DENND1A: variants seen among roughly 807,000 people sequenced by gnomAD.
DENND1A encodes the protein DENN domain-containing protein 1A.
Under a neutral mutation model 113.7 loss-of-function variants are expected in DENND1A, and 51 were observed. That is an observed-to-expected ratio of 0.45 (90% CI 0.36 to 0.57). The LOEUF (loss-of-function observed/expected upper bound fraction) is 0.57. Ranked by LOEUF, DENND1A falls within the 20% of genes least tolerant of loss-of-function variation. DENND1A has a pLI of 0.00. For missense variants in DENND1A, 1,258 were observed against 1,395.9 expected (o/e 0.90, Z 1.57); for synonymous variants, 565 against 570.8 (o/e 0.99, Z 0.14).
At chr9:123,520,147 C>CCA (rs1554853704) in intron 13 of DENND1A, among the ~76,000 whole-genome samples, 12,367 of 37,294 alleles carry the variant, frequency 0.33, 2,050 homozygotes, top group South Asian at 0.36. Context: ...GATCCTGTCT[C>CCA]AAAAAAAAAA....
chr9:123,767,381 C>G (rs1029521522), intron 4 of DENND1A, among the ~76,000 whole-genome samples: 3 of 150,830 alleles, frequency 2.0e-5, no homozygotes, highest in African/African-American at 7.3e-5. Flanking sequence ...CAAAAAGAAA[C>G]ATTTCTGTCC....
At chr9:123,607,508 CACACACACACACAGAG>C (rs1357187651) in intron 11 of DENND1A, among the ~76,000 whole-genome samples, 1 of 88,444 alleles carries the variant, frequency 1.1e-5, no homozygotes, top group African/African-American at 4.9e-5. Flanking sequence ...CACACACACA[CACACACACACACAGAG>C]AGAGAGAGAG....
At position 123,630,387 on chromosome 9, in the gene DENND1A, C is replaced by T; in HGVS notation, c.708G>A (p.Leu236=). The stretch of plus-strand genomic sequence containing the variant: ...GCCAGCCACCTTACCAGCAGTAGTC[C>T]AGCAGATGCGGCGGCAGCACGGGGA... ...VYIPVLPPHL[L]DYCCAPMPYL... The change falls in exon 10 of 24, where the codon CTG becomes CTA. Residue 236 remains leucine, a synonymous_variant. Coordinates refer to ENST00000394215, the MANE Select transcript of DENND1A (RefSeq NM_001352964.2). 1.9e-6 allele frequency: 3 copies of T among 1,596,350 alleles called. No individual in the cohort carries two copies. Among genetic ancestry groups the T allele is most frequent in the Non-Finnish European group, 2.6e-6 (3 of 1,169,078 alleles).
intron 19 of DENND1A, among the ~76,000 whole-genome samples, chr9:123,414,904 A>G (rs2044601200): frequency 6.6e-6 from 1 of 152,192 alleles, no homozygotes; most frequent in African/African-American, 2.4e-5. Flanking sequence ...AGAGTACTTG[A>G]TACCTAATAG....
chr9:123,380,613 C>T lies in DENND1A; in HGVS notation c.*819G>A, dbSNP rs2042226468. 6.6e-6 allele frequency: 1 copy of T among 152,426 alleles called. No individual in the cohort carries two copies. The highest frequency in any genetic ancestry group is 1.5e-5 in the Non-Finnish European group (1 of 68,050). The allele number at this position is 152,426 out of a possible 1,614,324, so 9.4% of individuals were successfully genotyped here. A position where few individuals can be genotyped will look rare whatever the true frequency, so the allele number is the denominator to read the frequency against. The stretch of plus-strand genomic sequence containing the variant: ...AGCTCCAGATGACAAGAGGCTGAGC[C>T]CCAGCTTTGACAGTGAGGGGAGTAC... On this transcript the variant is annotated 3_prime_UTR_variant, in exon 24 of 24. Coordinates refer to ENST00000394215, the MANE Select transcript of DENND1A (RefSeq NM_001352964.2).
chr9:123,625,081 CCT>C (rs2061138627), intron 10 of DENND1A, among the ~76,000 whole-genome samples: 1 of 152,154 alleles, frequency 6.6e-6, no homozygotes, highest in Admixed American at 6.5e-5. Context: ...CAGATTTCTG[CCT>C]CTCTATATGT....
At chr9:123,410,056 C>T (rs946799435) in intron 20 of DENND1A, among the ~76,000 whole-genome samples, 1 of 152,196 alleles carries the variant, frequency 6.6e-6, no homozygotes, top group Non-Finnish European at 1.5e-5. Context: ...TGCACCACTG[C>T]ACTCCAGCCT....
intron 1 of DENND1A, among the ~76,000 whole-genome samples, chr9:123,909,460 T>C (rs911342184): frequency 6.6e-6 from 1 of 151,540 alleles, no homozygotes; most frequent in Non-Finnish European, 1.5e-5. Context: ...TCTCAAGAGA[T>C]GCAGAAAAGG....
chr9:123,583,349 G>T, intron 11 of DENND1A, 79 bp from the exon 12 acceptor site: 1 of 1,022,352 alleles, frequency 9.8e-7, no homozygotes, highest in Non-Finnish European at 1.5e-6. Context: ...CTCTGGGGAA[G>T]AGGCATAGAG....
chr9:123,539,135 T>C (rs1341975399), intron 13 of DENND1A, among the ~76,000 whole-genome samples: 3 of 152,044 alleles, frequency 2.0e-5, no homozygotes, highest in African/African-American at 4.8e-5. Flanking sequence ...ATTAAACACA[T>C]TGGCTACTAA....
intron 13 of DENND1A, among the ~76,000 whole-genome samples, chr9:123,539,050 C>T (rs971610396): frequency 4.6e-5 from 7 of 151,682 alleles, no homozygotes; most frequent in African/African-American, 1.7e-4. Context: ...AATATTCCAA[C>T]CAATAAATGA....
chr9:123,756,885 G>A (rs541928332), intron 5 of DENND1A, among the ~76,000 whole-genome samples: 22 of 152,264 alleles, frequency 1.4e-4, no homozygotes, highest in Admixed American at 2.6e-4. Flanking sequence ...CTGGGGGCCC[G>A]GGTTTTGTCA....
At chr9:123,501,528 A>C (rs1402196206) in intron 13 of DENND1A, among the ~76,000 whole-genome samples, 1 of 152,192 alleles carries the variant, frequency 6.6e-6, no homozygotes, top group Non-Finnish European at 1.5e-5. Context: ...TAGTTTTTTG[A>C]GGAACCATCA....
intron 5 of DENND1A, among the ~76,000 whole-genome samples, chr9:123,754,401 C>T (rs1283839014): frequency 6.6e-6 from 1 of 152,166 alleles, no homozygotes; most frequent in East Asian, 1.9e-4. Context: ...CCTTTATTTC[C>T]ACACAAGCTG....
chr9:123,827,050 T>C (rs956805023), intron 2 of DENND1A, among the ~76,000 whole-genome samples: 1 of 152,162 alleles, frequency 6.6e-6, no homozygotes, highest in African/African-American at 2.4e-5. Context: ...AAGCTTGTAA[T>C]GTATGACAAA....
chr9:123,560,261 T>C (rs77530258), intron 12 of DENND1A, among the ~76,000 whole-genome samples: 1 of 152,198 alleles, frequency 6.6e-6, no homozygotes, highest in African/African-American at 2.4e-5. Flanking sequence ...GAAGGATACA[T>C]GAAGTCACCA....
chr9:123,466,557 A>C (rs1317016785), intron 13 of DENND1A, among the ~76,000 whole-genome samples: 1 of 152,162 alleles, frequency 6.6e-6, no homozygotes, highest in Non-Finnish European at 1.5e-5. Context: ...TCGGCCTCCC[A>C]AAGTGCTGGG....
chr9:123,411,641 G>C (rs180863649), intron 20 of DENND1A, 135 bp downstream of exon 20: 256 of 407,834 alleles, frequency 6.3e-4, no homozygotes, highest in African/African-American at 5.2e-3. Flanking sequence ...GCCACACAGA[G>C]AGGGAAGCTG....
In DENND1A at chr9:123,422,749, G is replaced by T. The variant is rs1346084714; in HGVS notation, c.1489-10920C>A. Among the ~76,000 whole-genome samples the T allele has an allele frequency of 6.6e-6, 1 of 152,220 alleles. No individual in the cohort carries two copies. The highest frequency in any genetic ancestry group is 2.4e-5 in the African/African-American group (1 of 41,448). On this transcript the variant is annotated intron_variant, in intron 19 of 23. Transcript: ENST00000394215. This position sits in a 1 kb window ranked among gnomAD's most constrained non-coding sequence, Gnocchi z 4.8. Reference sequence around the variant, plus strand: ...CGGACTGCACACAGCTCCCTGCAATGTGTGTTTGACAGGACTGACATTTTG... The same window carrying T: ...CGGACTGCACACAGCTCCCTGCAATTTGTGTTTGACAGGACTGACATTTTG...
Sources: gnomAD v4.1 joint callset for allele counts (sites outside exome capture counted in the v4.1 genomes callset) on GRCh38, gnomAD v4.1.1 for gene constraint, Gnocchi (gnomAD v3.1) non-coding constraint, MANE v1.5 for transcripts, NCBI Gene and HGNC (gene_info 2026-07-23, HGNC 2026-07-21) for gene names.